Variants in CLIC4 observed in about 807,000 individuals in gnomAD.
CLIC4 encodes the protein CLIC family member 4, also known as chloride intracellular channel protein 4.
CLIC4 carries 13 observed loss-of-function variants against 24.6 expected under a neutral mutation model. That is an observed-to-expected ratio of 0.53 (90% CI 0.34 to 0.84). CLIC4 has a LOEUF of 0.84. Ranked by LOEUF, CLIC4 falls within the 40% of genes least tolerant of loss-of-function variation. The pLI, the probability that CLIC4 is intolerant of heterozygous loss-of-function variation, is 0.01. For missense variants in CLIC4, 227 were observed against 301.7 expected, an observed-to-expected ratio of 0.75 and a Z score of 1.83; for synonymous variants, 104 against 111.3, an observed-to-expected ratio of 0.93 and a Z score of 0.41.
intron 1 of CLIC4, among the ~76,000 whole-genome samples, chr1:24,758,677 C>T (rs914427935): frequency 2.6e-5 from 4 of 152,064 alleles, no homozygotes; most frequent in African/African-American, 7.2e-5. Context: ...AGGCTGATCT[C>T]GAACTCCTGA....
intron 1 of CLIC4, among the ~76,000 whole-genome samples, chr1:24,746,675 G>A (rs778033737): frequency 6.6e-6 from 1 of 152,090 alleles, no homozygotes; most frequent in Non-Finnish European, 1.5e-5. Flanking sequence ...TTTTCCCCGA[G>A]TTTTTACTTT....
chr1:24,775,474 T>G (rs564554310), intron 1 of CLIC4, among the ~76,000 whole-genome samples: 1 of 151,682 alleles, frequency 6.6e-6, no homozygotes, highest in Non-Finnish European at 1.5e-5. Flanking sequence ...TTCTTCAAAT[T>G]GAATAATTTC....
At chr1:24,754,183 CT>C (rs911074575) in intron 1 of CLIC4, among the ~76,000 whole-genome samples, 1 of 152,106 alleles carries the variant, frequency 6.6e-6, no homozygotes, top group African/African-American at 2.4e-5. Flanking sequence ...ATGTAAAAAC[CT>C]GTGAGAAAGG....
rs763971573 is a variant in CLIC4, at chr1:24,827,020, C to G, written c.319C>G (p.Leu107Val). ...EVLCPPKYLK[L>V]SPKHPESNTA... Reference sequence around the variant, plus strand: ...ACTTTTTCTATTTAGGTACTTAAAGCTTTCACCAAAACACCCAGAATCAAA... The same window carrying G: ...ACTTTTTCTATTTAGGTACTTAAAGGTTTCACCAAAACACCCAGAATCAAA... Residue 107 changes from leucine to valine, a missense_variant, in exon 4 of 6, where the codon CTT (leucine) becomes GTT (valine). Transcript: ENST00000374379. The G allele has an allele frequency of 6.2e-7, 1 of 1,605,250 alleles. No homozygotes were observed. The highest frequency in any genetic ancestry group is 8.5e-7 in the Non-Finnish European group (1 of 1,176,736).
rs568058706 is a variant in CLIC4, at chr1:24,828,945, T to C, written c.415+1829T>C. On this transcript the variant is annotated intron_variant, in intron 4 of 5. Transcript: ENST00000374379. ...AGCAACTTCTCTCCACAGGGACCTG[T>C]TGAGGCCATGACACTTTAGAAAACA... Among the ~76,000 whole-genome samples the C allele has an allele frequency of 5.9e-5, 9 of 152,316 alleles. No homozygotes were observed. In the East Asian group the frequency reaches 1.2e-3, roughly 20 times the overall value.
Position 24,842,887 on chromosome 1 carries a change from G to C in CLIC4, c.*1950G>C, listed in dbSNP as rs1478910640. 6.6e-6 allele frequency: 1 copy of C among 152,010 alleles called. No individual in the cohort carries two copies. Among genetic ancestry groups the C allele is most frequent in the African/African-American group, 2.4e-5 (1 of 41,386 alleles). 9.4% of individuals were successfully genotyped at this position (152,010 alleles called of 1,614,324 possible). A position where few individuals can be genotyped will look rare whatever the true frequency, so the allele number is the denominator to read the frequency against. On this transcript the variant is annotated 3_prime_UTR_variant, in exon 6 of 6. Coordinates refer to ENST00000374379, the MANE Select transcript of CLIC4 (RefSeq NM_013943.3). ...ATAGTGGCAACTTGGGATTCATTCT[G>C]GTGATTCTGAACCTTGCCTCATAGC...
At position 24,796,335 on chromosome 1, in the gene CLIC4, C is replaced by G. The variant is rs189487361; in HGVS notation, c.73-1407C>G. ...TCGCAAGTAGCTGGGACTGCAGGCG[C>G]GTACCACCACGTCCAGCTAATTTTT... On this transcript the variant is annotated intron_variant, in intron 1 of 5. Transcript: ENST00000374379. 3.4e-3 allele frequency among the ~76,000 whole-genome samples: 513 copies of G among 152,088 alleles called. 4 individuals carry two copies. Among genetic ancestry groups the G allele is most frequent in the African/African-American group, 0.012 (490 of 41,454 alleles).
Position 24,750,145 on chromosome 1 carries a change from C to T in CLIC4, c.72+4520C>T, listed in dbSNP as rs11800432. Among the ~76,000 whole-genome samples the T allele has an allele frequency of 8.3e-3, 1,269 of 152,142 alleles. 21 individuals are homozygous for T. Among genetic ancestry groups the T allele is most frequent in the African/African-American group, 0.03 (1,226 of 41,516 alleles). ...CCTGCAGCCCTAGCCCTAGAGGCTG[C>T]GGGTGGGAGGATTGTTTGAGCCCAG... On this transcript the variant is annotated intron_variant, in intron 1 of 5. Coordinates refer to ENST00000374379, the MANE Select transcript of CLIC4 (RefSeq NM_013943.3).
chr1:24,829,766 C>A (rs1639821617), intron 4 of CLIC4, among the ~76,000 whole-genome samples: 1 of 152,166 alleles, frequency 6.6e-6, no homozygotes, highest in Admixed American at 6.5e-5. Flanking sequence ...CCTTTTTATT[C>A]AGGATCCTCT....
In CLIC4 at chr1:24,765,761, T is replaced by G. The variant is rs559314626; in HGVS notation, c.72+20136T>G. On this transcript the variant is annotated intron_variant, in intron 1 of 5. Coordinates refer to ENST00000374379, the MANE Select transcript of CLIC4 (RefSeq NM_013943.3). The stretch of plus-strand genomic sequence containing the variant: ...AAAATCAGAGCCAGGGATGATTGTT[T>G]ACTTGAAGTATCATTTGTATTTTTC... Among the ~76,000 whole-genome samples the G allele has an allele frequency of 2.0e-5, 3 of 152,278 alleles. No individual in the cohort carries two copies. The South Asian group carries it at 6.2e-4, about 32-fold the overall frequency.
chr1:24,751,896 T>C (rs1471029118), intron 1 of CLIC4, among the ~76,000 whole-genome samples: 1 of 152,090 alleles, frequency 6.6e-6, no homozygotes, highest in South Asian at 2.1e-4. Context: ...CAGAAAGTAA[T>C]CCCTTTGCGG....
chr1:24,776,477 A>G (rs1334138120), intron 1 of CLIC4, among the ~76,000 whole-genome samples: 2 of 152,366 alleles, frequency 1.3e-5, no homozygotes, highest in South Asian at 4.1e-4. Context: ...TATAGGAGGA[A>G]CTGCCTGGTC....
chr1:24,801,153 A>G (rs1639485000), intron 2 of CLIC4, among the ~76,000 whole-genome samples: 1 of 152,188 alleles, frequency 6.6e-6, no homozygotes, highest in Non-Finnish European at 1.5e-5. Flanking sequence ...AAGTGTCACA[A>G]CATGATTTGC....
At chr1:24,786,843 C>T (rs897778698) in intron 1 of CLIC4, among the ~76,000 whole-genome samples, 12 of 152,108 alleles carry the variant, frequency 7.9e-5, no homozygotes, top group African/African-American at 2.7e-4. Flanking sequence ...TGGTCTCGAT[C>T]TCCTGACCTC....
intron 1 of CLIC4, among the ~76,000 whole-genome samples, chr1:24,767,725 TC>T (rs1337306001): frequency 1.3e-5 from 2 of 151,992 alleles, no homozygotes; most frequent in African/African-American, 4.8e-5. Flanking sequence ...TTTCTTTTTT[TC>T]CTCTCTCTCT....
intron 1 of CLIC4, among the ~76,000 whole-genome samples, chr1:24,766,446 A>G (rs1638996479): frequency 1.9e-5 from 1 of 53,692 alleles, no homozygotes; most frequent in African/African-American, 6.5e-5. Flanking sequence ...TTTTTTAGAT[A>G]TCAGGTCTTG....
intron 3 of CLIC4, among the ~76,000 whole-genome samples, chr1:24,824,156 A>G (rs1161422159): frequency 6.6e-6 from 1 of 152,218 alleles, no homozygotes; most frequent in Non-Finnish European, 1.5e-5. Flanking sequence ...TTGATTTTGA[A>G]CCTACTGGTT....
intron 3 of CLIC4, among the ~76,000 whole-genome samples, chr1:24,816,864 CTG>C: frequency 6.6e-6 from 1 of 152,304 alleles, no homozygotes; most frequent in Non-Finnish European, 1.5e-5. Context: ...GTAAACCATA[CTG>C]TGAACAGATG....
At chr1:24,750,270 A>G (rs988916043) in intron 1 of CLIC4, among the ~76,000 whole-genome samples, 2 of 152,078 alleles carry the variant, frequency 1.3e-5, no homozygotes, top group Non-Finnish European at 2.9e-5. Context: ...AAGGCTTATA[A>G]TGGCAATCAT....
Sources: gnomAD v4.1 joint callset for allele counts (sites outside exome capture counted in the v4.1 genomes callset) on GRCh38, gnomAD v4.1.1 for gene constraint, MANE v1.5 for transcripts, NCBI Gene and HGNC (gene_info 2026-07-23, HGNC 2026-07-21) for gene names.